MYT1L: variants seen among roughly 807,000 people sequenced by gnomAD.
MYT1L encodes the protein myelin transcription factor 1 like, also known as myelin transcription factor 1-like protein.
MYT1L carries 12 observed loss-of-function variants against 126.7 expected under a neutral mutation model. The ratio of observed to expected loss-of-function variants is 0.09; its 90% confidence interval spans 0.06 to 0.15. MYT1L has a LOEUF of 0.15. Ranked by LOEUF, MYT1L falls within the 10% of genes least tolerant of loss-of-function variation. MYT1L has a pLI of 1.00. For missense variants in MYT1L, 979 were observed against 1,585.2 expected (o/e 0.62, Z 6.49); for synonymous variants, 541 against 604.2 (o/e 0.90, Z 1.53).
At chr2:1,946,766 G>A (rs115425253) in intron 8 of MYT1L, among the ~76,000 whole-genome samples, 2,131 of 152,164 alleles carry the variant, frequency 0.014, 56 homozygotes, top group African/African-American at 0.048. Context: ...TTTCATTTGT[G>A]AGGGGATAAT....
At chr2:1,877,387 T>C (rs961991664) in intron 18 of MYT1L, among the ~76,000 whole-genome samples, 3 of 130,816 alleles carry the variant, frequency 2.3e-5, no homozygotes, top group East Asian at 2.3e-4. Context: ...GGTGAGTTTA[T>C]ACATATTTTT....
intron 8 of MYT1L, among the ~76,000 whole-genome samples, chr2:1,959,621 C>T (rs1192663537): frequency 6.6e-6 from 1 of 152,220 alleles, no homozygotes. Flanking sequence ...AGGGTCTCCT[C>T]CCTTGGGAAG....
intron 8 of MYT1L, among the ~76,000 whole-genome samples, chr2:1,972,160 A>G (rs898877947): frequency 7.9e-5 from 12 of 152,186 alleles, no homozygotes; most frequent in Non-Finnish European, 1.6e-4. Flanking sequence ...GGCTGCGTGC[A>G]CAGAATTTTT....
chr2:1,836,662 C>A (rs1264315156), intron 21 of MYT1L, among the ~76,000 whole-genome samples: 1 of 150,396 alleles, frequency 6.6e-6, no homozygotes, highest in Non-Finnish European at 1.5e-5. Context: ...ATTTCATCAG[C>A]CTGTACCCCA....
intron 23 of MYT1L, among the ~76,000 whole-genome samples, chr2:1,792,896 A>G (rs571947008): frequency 6.6e-6 from 1 of 151,146 alleles, no homozygotes; most frequent in African/African-American, 2.4e-5. Flanking sequence ...AAAGGAAAAG[A>G]AAAAGGCTTC....
intron 3 of MYT1L, among the ~76,000 whole-genome samples, chr2:2,063,916 T>C (rs1244038104): frequency 6.6e-6 from 1 of 152,146 alleles, no homozygotes; most frequent in Non-Finnish European, 1.5e-5. Flanking sequence ...ACAGGTCTCC[T>C]TGCTTGAGGC....
chr2:2,290,662 A>G (rs2095585543), intron 1 of MYT1L, among the ~76,000 whole-genome samples: 1 of 152,192 alleles, frequency 6.6e-6, no homozygotes, highest in Admixed American at 6.5e-5. Flanking sequence ...ACGTAGAGGC[A>G]GGAAAACAAC....
rs1179677798 is a variant in MYT1L, at chr2:1,925,431, TC to T, written c.506-2169del. ...TTGGTCATTCTCCACATTCCAAATC[TC>T]AGGATTAGCTTCAGTTTGTTCCCCC... On this transcript the variant is annotated intron_variant, in intron 9 of 24. Coordinates refer to ENST00000647738, the MANE Select transcript of MYT1L (RefSeq NM_001303052.2). 2.6e-5 allele frequency among the ~76,000 whole-genome samples: 4 copies of T among 152,338 alleles called. No individual in the cohort carries two copies. The East Asian group carries it at 7.7e-4, about 29-fold the overall frequency.
intron 23 of MYT1L, among the ~76,000 whole-genome samples, chr2:1,799,571 T>G (rs1349888696): frequency 6.6e-6 from 1 of 152,248 alleles, no homozygotes; most frequent in African/African-American, 2.4e-5. Context: ...GGCATCCTAT[T>G]GGAATTGGGT....
intron 2 of MYT1L, among the ~76,000 whole-genome samples, chr2:2,232,599 G>T (rs909636415): frequency 6.6e-6 from 1 of 152,208 alleles, no homozygotes. Context: ...GCCCAGAGTG[G>T]CACCGTCCCA....
At chr2:2,129,635 G>C (rs533865583) in intron 3 of MYT1L, among the ~76,000 whole-genome samples, 2 of 152,122 alleles carry the variant, frequency 1.3e-5, no homozygotes, top group Non-Finnish European at 2.9e-5. Context: ...GGCCGGGCGC[G>C]GTGGCTCACG....
chr2:2,329,410 A>C (rs1478207032), intron 1 of MYT1L, among the ~76,000 whole-genome samples: 2 of 152,156 alleles, frequency 1.3e-5, no homozygotes, highest in Non-Finnish European at 2.9e-5. Context: ...ACAGATCAAA[A>C]GACAACAACA....
intron 3 of MYT1L, among the ~76,000 whole-genome samples, chr2:2,092,959 C>G (rs1424312044): frequency 6.6e-6 from 1 of 152,180 alleles, no homozygotes; most frequent in African/African-American, 2.4e-5. Flanking sequence ...TTTTGCCTCT[C>G]CACATGGGTG....
At chr2:1,868,968 A>G (rs1423870701) in intron 18 of MYT1L, among the ~76,000 whole-genome samples, 2 of 152,210 alleles carry the variant, frequency 1.3e-5, no homozygotes, top group East Asian at 3.9e-4. Flanking sequence ...AGCCCTCAGC[A>G]GAGATAAGGA....
chr2:2,201,245 G>A (rs1390584199), intron 2 of MYT1L, among the ~76,000 whole-genome samples: 1 of 152,106 alleles, frequency 6.6e-6, no homozygotes, highest in Non-Finnish European at 1.5e-5. Context: ...ACTGGAGACT[G>A]TTTTCAGGAC....
chr2:1,949,451 T>A (rs1208001304), intron 8 of MYT1L, among the ~76,000 whole-genome samples: 1 of 151,858 alleles, frequency 6.6e-6, no homozygotes, highest in Non-Finnish European at 1.5e-5. Flanking sequence ...CTGTTGTAGC[T>A]TTCACAGTTC....
intron 1 of MYT1L, among the ~76,000 whole-genome samples, chr2:2,285,785 A>T (rs2095511045): frequency 6.6e-6 from 1 of 152,162 alleles, no homozygotes; most frequent in Admixed American, 6.5e-5. Context: ...TTAATCCTCA[A>T]AGTCGGCATC....
chr2:1,898,648 G>T (rs1003942536), intron 14 of MYT1L, among the ~76,000 whole-genome samples: 1 of 152,244 alleles, frequency 6.6e-6, no homozygotes, highest in African/African-American at 2.4e-5. Flanking sequence ...TACCCAAGAG[G>T]TGACACAGCC....
chr2:2,264,103 T>G (rs1180758198), intron 2 of MYT1L, among the ~76,000 whole-genome samples: 1 of 152,202 alleles, frequency 6.6e-6, no homozygotes, highest in Non-Finnish European at 1.5e-5. Flanking sequence ...AGGGTTAGAA[T>G]TTGAACCTTG....
Sources: gnomAD v4.1 joint callset for allele counts (sites outside exome capture counted in the v4.1 genomes callset) on GRCh38, gnomAD v4.1.1 for gene constraint, MANE v1.5 for transcripts, NCBI Gene and HGNC (gene_info 2026-07-23, HGNC 2026-07-21) for gene names.